Variants in TLL2 observed in about 807,000 individuals in gnomAD.
TLL2 encodes the protein tolloid like 2.
TLL2 carries 106 observed loss-of-function variants against 123.0 expected under a neutral mutation model. That is an observed-to-expected ratio of 0.86 (90% CI 0.74 to 1.01). TLL2 has a LOEUF of 1.01. TLL2 is among the 50% of genes least tolerant of loss of function. The probability of loss-of-function intolerance (pLI) is 0.00; values close to 1 mark genes in which losing one functional copy is unlikely to be tolerated. For synonymous variants in TLL2, 494 were observed against 516.8 expected, an observed-to-expected ratio of 0.96 and a Z score of 0.60; for missense variants, 1,332 against 1,336.7, an observed-to-expected ratio of 1.00 and a Z score of 0.06.
intron 2 of TLL2, among the ~76,000 whole-genome samples, chr10:96,471,418 C>T (rs1847182274): frequency 6.6e-6 from 1 of 152,138 alleles, no homozygotes; most frequent in Admixed American, 6.5e-5. Context: ...CCAGAGTCCC[C>T]TGCAGGTTCC....
intron 2 of TLL2, among the ~76,000 whole-genome samples, chr10:96,474,214 C>G (rs1339054180): frequency 6.6e-6 from 1 of 152,136 alleles, no homozygotes; most frequent in Non-Finnish European, 1.5e-5. Flanking sequence ...CGCCTTGCCC[C>G]CACACACATC....
chr10:96,423,546 T>C (rs1358289624), intron 5 of TLL2, among the ~76,000 whole-genome samples: 1 of 152,232 alleles, frequency 6.6e-6, no homozygotes, highest in Non-Finnish European at 1.5e-5. Context: ...CTTCTATTAA[T>C]GTACATCTCG....
chr10:96,429,096 C>T (rs1410740908), intron 4 of TLL2, among the ~76,000 whole-genome samples: 1 of 152,038 alleles, frequency 6.6e-6, no homozygotes, highest in Non-Finnish European at 1.5e-5. Flanking sequence ...AGCCACGGCA[C>T]CCAGCCTCCT....
At chr10:96,467,443 G>A (rs1321092778) in intron 2 of TLL2, among the ~76,000 whole-genome samples, 1 of 152,008 alleles carries the variant, frequency 6.6e-6, no homozygotes, top group East Asian at 1.9e-4. Flanking sequence ...ATGTTCCCCA[G>A]GCTGGTCTCA....
intron 11 of TLL2, among the ~76,000 whole-genome samples, 159 bp downstream of exon 11, chr10:96,397,027 G>C (rs569406033): frequency 6.6e-6 from 1 of 152,332 alleles, no homozygotes; most frequent in South Asian, 2.1e-4. Flanking sequence ...GAATGTTGCA[G>C]GAGGGGCTGT....
chr10:96,368,426 G>T (rs1358483638), intron 20 of TLL2, among the ~76,000 whole-genome samples: 1 of 152,222 alleles, frequency 6.6e-6, no homozygotes, highest in African/African-American at 2.4e-5. Context: ...CTCTTCCAAA[G>T]ATGATCCTAG....
chr10:96,505,928 A>C (rs1258927841), intron 1 of TLL2, among the ~76,000 whole-genome samples: 1 of 152,174 alleles, frequency 6.6e-6, no homozygotes, highest in East Asian at 1.9e-4. Flanking sequence ...TTGAAGGCTG[A>C]GGGACTTGCT....
Position 96,369,193 on chromosome 10 carries a change from T to A in TLL2, c.2913+872A>T, listed in dbSNP as rs568517947. Among the ~76,000 whole-genome samples, 12 of 152,294 alleles carry A rather than the reference T, an allele frequency of 7.9e-5. 1 individual carries two copies. The East Asian group carries it at 2.1e-3, about 27-fold the overall frequency. ...AGTGCGGTGCAGCCAGGGGAGTGACTGGGACACTGTACTGGCCAATGCGCA... is the reference window on the plus strand; with the variant it reads ...AGTGCGGTGCAGCCAGGGGAGTGACAGGGACACTGTACTGGCCAATGCGCA... On this transcript the variant is annotated intron_variant, in intron 20 of 20. Transcript: ENST00000357947.
At chr10:96,472,641 G>A (rs1455438904) in intron 2 of TLL2, among the ~76,000 whole-genome samples, 1 of 151,972 alleles carries the variant, frequency 6.6e-6, no homozygotes, top group Non-Finnish European at 1.5e-5. Flanking sequence ...ATGTGCCTGT[G>A]GTTCCAGCTA....
intron 3 of TLL2, among the ~76,000 whole-genome samples, 196 bp from the exon 4 acceptor site, chr10:96,433,158 G>A (rs929229014): frequency 7.9e-5 from 12 of 152,092 alleles, no homozygotes; most frequent in African/African-American, 2.2e-4. Context: ...TAAATGTACC[G>A]GGCTATGATG....
At chr10:96,494,506 C>T (rs1255989931) in intron 1 of TLL2, among the ~76,000 whole-genome samples, 1 of 152,196 alleles carries the variant, frequency 6.6e-6, no homozygotes, top group East Asian at 1.9e-4. Context: ...TGCAGGCCCA[C>T]CTTACCTCAT....
chr10:96,478,406 A>G (rs1270383103), intron 2 of TLL2, among the ~76,000 whole-genome samples: 1 of 152,192 alleles, frequency 6.6e-6, no homozygotes, highest in African/African-American at 2.4e-5. Context: ...TGGTACAACC[A>G]CTTTGGAGAA....
At chr10:96,446,553 G>A (rs535346012) in intron 2 of TLL2, among the ~76,000 whole-genome samples, 98 of 152,102 alleles carry the variant, frequency 6.4e-4, no homozygotes, top group Non-Finnish European at 1.0e-3. Context: ...CCTGGAGTCC[G>A]CTTGGTGCAG....
chr10:96,488,643 G>A (rs191175721), intron 1 of TLL2, among the ~76,000 whole-genome samples: 5 of 152,330 alleles, frequency 3.3e-5, no homozygotes, highest in African/African-American at 1.2e-4. Context: ...AAGAGTGGCT[G>A]CACCCCAGAA....
chr10:96,397,230 C>T lies in TLL2; in HGVS notation c.1340G>A (p.Ser447Asn), dbSNP rs771165492. The T allele has an allele frequency of 5.0e-6, 8 of 1,613,836 alleles. No homozygotes were observed. Among genetic ancestry groups the T allele is most frequent in the African/African-American group, 1.3e-5 (1 of 74,916 alleles). ...GCCCTTGCCCAAGATGTTGCTGCTGCTGCGGAACTCCACCCAGAGCCGGCT... is the reference window on the plus strand; with the variant it reads ...GCCCTTGCCCAAGATGTTGCTGCTGTTGCGGAACTCCACCCAGAGCCGGCT... ...TDSRLWVEFR[S>N]SSNILGKGFF... Residue 447 changes from serine to asparagine, a missense_variant, in exon 11 of 21, where the codon AGC becomes AAC. Coordinates refer to ENST00000357947, the MANE Select transcript of TLL2 (RefSeq NM_012465.4).
At chr10:96,414,180 C>T (rs1442780772) in intron 7 of TLL2, among the ~76,000 whole-genome samples, 1 of 152,238 alleles carries the variant, frequency 6.6e-6, no homozygotes, top group Admixed American at 6.5e-5. Flanking sequence ...GCCTCCTCTT[C>T]TGCTTCCAGA....
chr10:96,446,937 A>T (rs1846901924), intron 2 of TLL2, among the ~76,000 whole-genome samples: 1 of 152,246 alleles, frequency 6.6e-6, no homozygotes, highest in Non-Finnish European at 1.5e-5. Flanking sequence ...CTAATTGGAA[A>T]GCTGGACCAT....
At chr10:96,468,572 G>T (rs1405825364) in intron 2 of TLL2, among the ~76,000 whole-genome samples, 3 of 152,208 alleles carry the variant, frequency 2.0e-5, no homozygotes, top group Non-Finnish European at 2.9e-5. Flanking sequence ...TCTTGAGTGG[G>T]ATTCTGTATC....
At chr10:96,498,735 T>G (rs1318748267) in intron 1 of TLL2, among the ~76,000 whole-genome samples, 1 of 152,196 alleles carries the variant, frequency 6.6e-6, no homozygotes, top group Admixed American at 6.5e-5. Flanking sequence ...TCTTTTACTT[T>G]TCCACCCCTT....
Sources: gnomAD v4.1 joint callset for allele counts (sites outside exome capture counted in the v4.1 genomes callset) on GRCh38, gnomAD v4.1.1 for gene constraint, MANE v1.5 for transcripts, NCBI Gene and HGNC (gene_info 2026-07-23, HGNC 2026-07-21) for gene names.